Variants in CACNA1E observed in about 807,000 individuals in gnomAD.
CACNA1E encodes the protein voltage-dependent R-type calcium channel subunit alpha-1E.
CACNA1E carries 40 observed loss-of-function variants against 259.2 expected under a neutral mutation model. That is an observed-to-expected ratio of 0.15 (90% CI 0.12 to 0.20). CACNA1E has a LOEUF of 0.20. Among genes scored for constraint, CACNA1E ranks in the 10% least tolerant of loss-of-function variants. The probability of loss-of-function intolerance (pLI) is 1.00; values close to 1 mark genes in which losing one functional copy is unlikely to be tolerated. For missense variants in CACNA1E, 1,874 were observed against 3,040.1 expected (o/e 0.62, Z 9.02); for synonymous variants, 1,104 against 1,138.5 (o/e 0.97, Z 0.61).
At position 181,802,910 on chromosome 1, in the gene CACNA1E, C is replaced by T. The variant is rs1662378843; in HGVS notation, c.*4076C>T. 1 of 152,078 alleles carries T rather than the reference C, an allele frequency of 6.6e-6. No individual in the cohort carries two copies. The highest frequency in any genetic ancestry group is 6.5e-5 in the Admixed American group (1 of 15,268). 9.4% of individuals were successfully genotyped at this position (152,078 alleles called of 1,614,324 possible). On this transcript the variant is annotated 3_prime_UTR_variant, in exon 48 of 48. Coordinates refer to ENST00000367573, the MANE Select transcript of CACNA1E (RefSeq NM_001205293.3). ...ACAGGTTGAGGGATATTTCTCGGCT[C>T]ATTTATAAGATATAAATATTATGAG...
chr1:181,661,736 A>G (rs906359057), intron 7 of CACNA1E, among the ~76,000 whole-genome samples: 3 of 152,208 alleles, frequency 2.0e-5, no homozygotes, highest in African/African-American at 7.2e-5. Flanking sequence ...ATATTGTCTC[A>G]TTTAATCCTC....
intron 7 of CACNA1E, among the ~76,000 whole-genome samples, chr1:181,688,545 T>G (rs1216282695): frequency 3.9e-5 from 6 of 152,324 alleles, no homozygotes; most frequent in East Asian, 1.9e-4. Context: ...TTGACAAAAT[T>G]TTTACATATT....
At chr1:181,459,946 A>G (rs1354266644) in intron 2 of CACNA1E, among the ~76,000 whole-genome samples, 1 of 152,156 alleles carries the variant, frequency 6.6e-6, no homozygotes, top group South Asian at 2.1e-4. Flanking sequence ...TCTTTTACCA[A>G]TGGCCAGCTA....
chr1:181,520,616 G>A (rs886776882), intron 3 of CACNA1E, among the ~76,000 whole-genome samples: 15 of 152,094 alleles, frequency 9.9e-5, no homozygotes, highest in Non-Finnish European at 5.9e-5. Flanking sequence ...TTTTCCATTA[G>A]TTATAATTTT....
intron 1 of CACNA1E, among the ~76,000 whole-genome samples, chr1:181,358,148 C>T (rs1372108721): frequency 2.0e-5 from 3 of 152,176 alleles, no homozygotes; most frequent in Non-Finnish European, 4.4e-5. Context: ...GCCGGGTCCA[C>T]AGCTAGCTCT....
At chr1:181,470,182 A>T (rs1449412612) in intron 2 of CACNA1E, among the ~76,000 whole-genome samples, 1 of 150,926 alleles carries the variant, frequency 6.6e-6, no homozygotes, top group Non-Finnish European at 1.5e-5. Flanking sequence ...TTTTTTAGAG[A>T]TGGAGTCTCT....
intron 6 of CACNA1E, among the ~76,000 whole-genome samples, chr1:181,635,008 A>G (rs767618517): frequency 5.3e-5 from 8 of 152,200 alleles, no homozygotes; most frequent in Non-Finnish European, 1.0e-4. Flanking sequence ...TGGTTATGGT[A>G]TGACCTGGCG....
At chr1:181,691,825 C>G (rs1651190864) in intron 7 of CACNA1E, among the ~76,000 whole-genome samples, 1 of 152,070 alleles carries the variant, frequency 6.6e-6, no homozygotes, top group South Asian at 2.1e-4. Flanking sequence ...CTGGAATAAT[C>G]AGGTAAGAGA....
chr1:181,760,379 CTAT>C (rs1214872916), intron 32 of CACNA1E, among the ~76,000 whole-genome samples: 1 of 152,190 alleles, frequency 6.6e-6, no homozygotes, highest in African/African-American at 2.4e-5. Context: ...GTAATATATA[CTAT>C]TTCGTTAGAT....
At chr1:181,545,113 C>G (rs1198268982) in intron 3 of CACNA1E, among the ~76,000 whole-genome samples, 1 of 152,002 alleles carries the variant, frequency 6.6e-6, no homozygotes, top group Admixed American at 6.6e-5. Flanking sequence ...AAAAAAAAGT[C>G]TTGCTATGTT....
At chr1:181,680,699 CCT>C (rs1444339821) in intron 7 of CACNA1E, among the ~76,000 whole-genome samples, 1 of 152,228 alleles carries the variant, frequency 6.6e-6, no homozygotes, top group Non-Finnish European at 1.5e-5. Flanking sequence ...CCTCAGTTAT[CCT>C]CTGTGTTCCC....
intron 1 of CACNA1E, among the ~76,000 whole-genome samples, chr1:181,372,965 C>A (rs542288531): frequency 1.3e-5 from 2 of 152,092 alleles, no homozygotes; most frequent in South Asian, 4.2e-4. Context: ...GTTGAACCAA[C>A]CTTGAATCCC....
chr1:181,325,421 T>C (rs1650695437), intron 1 of CACNA1E, among the ~76,000 whole-genome samples: 1 of 152,056 alleles, frequency 6.6e-6, no homozygotes, highest in Non-Finnish European at 1.5e-5. Flanking sequence ...AGGAAGAACA[T>C]CCTGTCCCAA....
intron 2 of CACNA1E, among the ~76,000 whole-genome samples, chr1:181,451,162 T>C: frequency 6.6e-6 from 1 of 152,196 alleles, no homozygotes; most frequent in East Asian, 1.9e-4. Context: ...CAGGCACTCA[T>C]ATATTTTCTT....
At chr1:181,463,635 A>G (rs1010787209) in intron 2 of CACNA1E, among the ~76,000 whole-genome samples, 5 of 152,120 alleles carry the variant, frequency 3.3e-5, no homozygotes, top group African/African-American at 4.8e-5. Context: ...GTAGATTCCT[A>G]TCCTCTGCCC....
intron 1 of CACNA1E, among the ~76,000 whole-genome samples, chr1:181,409,843 G>A (rs557157406): frequency 4.8e-4 from 73 of 152,288 alleles, no homozygotes; most frequent in Middle Eastern, 3.4e-3. Context: ...CATAAAGCTG[G>A]AGCTCCGCAG....
chr1:181,326,116 T>G (rs1246512456), intron 1 of CACNA1E, among the ~76,000 whole-genome samples: 1 of 152,244 alleles, frequency 6.6e-6, no homozygotes, highest in African/African-American at 2.4e-5. Context: ...TCCGATTTTT[T>G]CATATGCTAA....
Position 181,737,516 on chromosome 1 carries a change from T to G in CACNA1E, c.3423-9T>G, listed in dbSNP as rs1656156111. ...AGTGGGCCAGCTCAGCCATGCCCAC[T>G]GCCCGCAGGATCCGGAGGGCCTGCC... On this transcript the variant is annotated splice_polypyrimidine_tract_variant and intron_variant, in intron 22 of 47. Coordinates refer to ENST00000367573, the MANE Select transcript of CACNA1E (RefSeq NM_001205293.3). The G allele has an allele frequency of 6.2e-7, 1 of 1,613,452 alleles. No individual in the cohort carries two copies. The highest frequency in any genetic ancestry group is 1.3e-5 in the African/African-American group (1 of 74,928).
intron 3 of CACNA1E, among the ~76,000 whole-genome samples, chr1:181,525,539 A>T (rs967020471): frequency 6.6e-6 from 1 of 152,222 alleles, no homozygotes; most frequent in Non-Finnish European, 1.5e-5. Context: ...TAAAATGTCC[A>T]TGTTGGCCTG....
Sources: gnomAD v4.1 joint callset for allele counts (sites outside exome capture counted in the v4.1 genomes callset) on GRCh38, gnomAD v4.1.1 for gene constraint, MANE v1.5 for transcripts, NCBI Gene and HGNC (gene_info 2026-07-23, HGNC 2026-07-21) for gene names.